The following NTM variants were observed in gnomAD, a reference collection of about 807,000 sequenced individuals.
The protein encoded by NTM is IgLON family member 2.
A neutral mutation model predicts 42.1 loss-of-function variants in NTM; 13 were observed. The ratio of observed to expected loss-of-function variants is 0.31; its 90% CI spans 0.20 to 0.49. The LOEUF (loss-of-function observed/expected upper bound fraction) is 0.49. Among genes scored for constraint, NTM ranks in the 20% least tolerant of loss-of-function variants. The pLI, the probability that NTM is intolerant of heterozygous loss-of-function variation, is 0.99. For synonymous variants in NTM, 187 were observed against 179.2 expected (o/e 1.04, Z -0.35); for missense variants, 373 against 452.8 (o/e 0.82, Z 1.60).
At chr11:132,334,555 G>A (rs149225075) in intron 8 of NTM, among the ~76,000 whole-genome samples, 11 of 152,258 alleles carry the variant, frequency 7.2e-5, no homozygotes, top group Admixed American at 2.6e-4. Flanking sequence ...GGAAGCAGAA[G>A]CAGCAGGCAG....
chr11:132,110,896 A>T lies in NTM; in HGVS notation c.168-35386A>T, dbSNP rs551240584. The stretch of plus-strand genomic sequence containing the variant: ...CTAAAAATAAAATTTAAAAAATTTT[A>T]AAAAATATTTTTATAATAAAAATAA... On this transcript the variant is annotated intron_variant, in intron 2 of 8. Coordinates refer to ENST00000683400, the MANE Select transcript of NTM (RefSeq NM_001352005.2). Among the ~76,000 whole-genome samples the T allele has an allele frequency of 1.7e-4, 26 of 151,246 alleles. No homozygotes were observed. In the East Asian group the frequency reaches 3.3e-3, roughly 19 times the overall value.
At chr11:132,097,091 A>G (rs1382641606) in intron 2 of NTM, among the ~76,000 whole-genome samples, 2 of 152,260 alleles carry the variant, frequency 1.3e-5, no homozygotes, top group African/African-American at 4.8e-5. Flanking sequence ...ATCTCTAGGT[A>G]GATCTGTAAG....
At chr11:131,617,816 GCAAAGA>G (rs2062096407) in intron 1 of NTM, among the ~76,000 whole-genome samples, 1 of 152,168 alleles carries the variant, frequency 6.6e-6, no homozygotes, top group Non-Finnish European at 1.5e-5. Flanking sequence ...ACAGATCACT[GCAAAGA>G]CAACCAGAAG....
chr11:131,605,677 T>C, intron 1 of NTM: 1 of 434,962 alleles, frequency 2.3e-6, no homozygotes, highest in Non-Finnish European at 3.1e-6. Flanking sequence ...CCTGGGTGGT[T>C]TGTATGTGCC....
intron 1 of NTM, among the ~76,000 whole-genome samples, chr11:131,627,223 A>T (rs1546404): frequency 0.77 from 112,887 of 146,538 alleles, 43,198 homozygotes; most frequent in Non-Finnish European, 0.82. Context: ...GCTTTTATTT[A>T]TTTATTTTTT....
intron 7 of NTM, among the ~76,000 whole-genome samples, chr11:132,322,330 G>A (rs1346997615): frequency 4.2e-4 from 63 of 151,344 alleles, no homozygotes; most frequent in Non-Finnish European, 7.2e-4. Context: ...AAGGATGGAG[G>A]AAGATCTACC....
At chr11:131,572,974 C>T (rs2057590198) in intron 1 of NTM, among the ~76,000 whole-genome samples, 1 of 152,160 alleles carries the variant, frequency 6.6e-6, no homozygotes, top group African/African-American at 2.4e-5. Context: ...CTGCAGCCTC[C>T]AGAGCCAGCA....
chr11:131,910,950 C>T (rs1047002009), intron 1 of NTM: 4 of 989,922 alleles, frequency 4.0e-6, no homozygotes, highest in Non-Finnish European at 4.8e-6. Context: ...GCGAGCTCCA[C>T]TTCCCATCTG....
At chr11:132,214,175 T>C (rs936829526) in intron 4 of NTM, among the ~76,000 whole-genome samples, 1 of 152,160 alleles carries the variant, frequency 6.6e-6, no homozygotes, top group Admixed American at 6.5e-5. Context: ...CATGAGATCA[T>C]TAGTGATGGA....
chr11:131,857,138 G>A (rs1404029031), intron 1 of NTM, among the ~76,000 whole-genome samples: 1 of 151,964 alleles, frequency 6.6e-6, no homozygotes, highest in Non-Finnish European at 1.5e-5. Flanking sequence ...CCATCTCCTG[G>A]GACACAGGCC....
At chr11:132,304,142 G>T (rs116576323) in intron 4 of NTM, among the ~76,000 whole-genome samples, 1 of 152,186 alleles carries the variant, frequency 6.6e-6, no homozygotes, top group Non-Finnish European at 1.5e-5. Flanking sequence ...GATAATAAGG[G>T]AGTAGAGTTT....
At chr11:131,741,872 C>T (rs2081245447) in intron 1 of NTM, among the ~76,000 whole-genome samples, 1 of 152,184 alleles carries the variant, frequency 6.6e-6, no homozygotes, top group Non-Finnish European at 1.5e-5. Context: ...GGTACATACG[C>T]ACCATAGAAT....
intron 2 of NTM, among the ~76,000 whole-genome samples, chr11:132,060,364 T>C (rs1290435977): frequency 6.6e-6 from 1 of 152,184 alleles, no homozygotes. Context: ...TCCTCCAAAA[T>C]ACTTTTTTTT....
chr11:131,502,443 C>A (rs1054212401), intron 1 of NTM, among the ~76,000 whole-genome samples: 1 of 152,014 alleles, frequency 6.6e-6, no homozygotes, highest in Non-Finnish European at 1.5e-5. Flanking sequence ...CAAAACTGAC[C>A]AAGACCTGGA....
chr11:131,448,350 AG>A (rs1437062929), intron 1 of NTM, among the ~76,000 whole-genome samples: 1 of 152,152 alleles, frequency 6.6e-6, no homozygotes, highest in Non-Finnish European at 1.5e-5. Flanking sequence ...ACTCATCCCC[AG>A]GGGGTTCACT....
chr11:131,727,047 C>T (rs750912408), intron 1 of NTM, among the ~76,000 whole-genome samples: 1 of 151,354 alleles, frequency 6.6e-6, no homozygotes, highest in Non-Finnish European at 1.5e-5. Context: ...AGCCCCTAAC[C>T]CCTCTTACAC....
chr11:131,979,861 TAATG>T (rs1342513384), intron 2 of NTM, among the ~76,000 whole-genome samples: 1 of 152,224 alleles, frequency 6.6e-6, no homozygotes, highest in Non-Finnish European at 1.5e-5. Flanking sequence ...AACTGGCAAT[TAATG>T]ATAATAGCCC....
intron 1 of NTM, among the ~76,000 whole-genome samples, chr11:131,440,884 G>T (rs1591671734): frequency 7.4e-6 from 1 of 136,012 alleles, no homozygotes; most frequent in African/African-American, 2.8e-5. Context: ...GTGTCTGGGG[G>T]TTTGCAGCCT....
In NTM at chr11:132,152,029, G is replaced by C. The variant is rs143303186; in HGVS notation, c.400+5515G>C. Among the ~76,000 whole-genome samples the C allele has an allele frequency of 3.8e-3, 581 of 152,218 alleles. 4 individuals are homozygous for C. The highest frequency in any genetic ancestry group is 0.01 in the African/African-American group (432 of 41,508). On this transcript the variant is annotated intron_variant, in intron 3 of 8. Coordinates refer to ENST00000683400, the MANE Select transcript of NTM (RefSeq NM_001352005.2). ...AATTAGTTGACCTTGTCAAGCAAAA[G>C]CTCATTATTATGATTCAGAGAACAG...
Sources: gnomAD v4.1 joint callset for allele counts (sites outside exome capture counted in the v4.1 genomes callset) on GRCh38, gnomAD v4.1.1 for gene constraint, MANE v1.5 for transcripts, NCBI Gene and HGNC (gene_info 2026-07-23, HGNC 2026-07-21) for gene names.